Variants in BTBD9 observed in about 807,000 individuals in gnomAD.
The protein encoded by BTBD9 is BTB/POZ domain-containing protein 9.
A neutral mutation model predicts 64.3 loss-of-function variants in BTBD9; 49 were observed. That is an observed-to-expected ratio of 0.76 (90% CI 0.61 to 0.97). BTBD9 has a LOEUF of 0.97. BTBD9 is among the 50% of genes least tolerant of loss of function. BTBD9 has a pLI of 0.00. For synonymous variants in BTBD9, 260 were observed against 274.7 expected, an observed-to-expected ratio of 0.95 and a Z score of 0.53; for missense variants, 598 against 762.1, an observed-to-expected ratio of 0.78 and a Z score of 2.53.
At chr6:38,511,789 A>C (rs1772787782) in intron 6 of BTBD9, among the ~76,000 whole-genome samples, 1 of 152,164 alleles carries the variant, frequency 6.6e-6, no homozygotes, top group Non-Finnish European at 1.5e-5. Context: ...GAAAGGCAAA[A>C]GGTAAAGATT....
At chr6:38,520,675 G>A (rs1773234870) in intron 6 of BTBD9, among the ~76,000 whole-genome samples, 1 of 152,154 alleles carries the variant, frequency 6.6e-6, no homozygotes. Context: ...GCTCATGCCT[G>A]TAATCCCAGC....
At chr6:38,515,413 G>T (rs986841667) in intron 6 of BTBD9, among the ~76,000 whole-genome samples, 3 of 152,176 alleles carry the variant, frequency 2.0e-5, no homozygotes, top group African/African-American at 7.2e-5. Context: ...TTGCTTAAAA[G>T]ATATCACTAT....
chr6:38,249,857 C>T (rs929047700), intron 9 of BTBD9, among the ~76,000 whole-genome samples: 3 of 151,920 alleles, frequency 2.0e-5, no homozygotes, highest in Non-Finnish European at 4.4e-5. Flanking sequence ...AGAAGCTTCA[C>T]ATTCCAAATA....
chr6:38,610,968 G>C (rs958685588), intron 1 of BTBD9, among the ~76,000 whole-genome samples: 14 of 152,006 alleles, frequency 9.2e-5, no homozygotes, highest in Non-Finnish European at 1.5e-5. Context: ...ATATATTACA[G>C]TGCATCTATA....
intron 6 of BTBD9, among the ~76,000 whole-genome samples, chr6:38,557,088 C>T (rs1752312429): frequency 7.8e-6 from 1 of 128,284 alleles, no homozygotes; most frequent in African/African-American, 2.9e-5. Flanking sequence ...ATCCTCACAT[C>T]TGTAATCCCA....
chr6:38,290,943 T>G (rs1480722420), intron 7 of BTBD9, among the ~76,000 whole-genome samples: 1 of 152,234 alleles, frequency 6.6e-6, no homozygotes, highest in Non-Finnish European at 1.5e-5. Flanking sequence ...AGTATTTCAA[T>G]GTATGAATAT....
intron 1 of BTBD9, among the ~76,000 whole-genome samples, chr6:38,619,019 G>C (rs1182175513): frequency 2.0e-5 from 3 of 152,142 alleles, no homozygotes; most frequent in Non-Finnish European, 2.9e-5. Context: ...GAAGGACTAA[G>C]GAGAATTACG....
rs1298512091 is a variant in BTBD9 at position 38,356,231 on chromosome 6, G to A, written c.1155-11138C>T. ...TTCCAGTGGGCTGAGCACTCAGAAG[G>A]CTCTTGCAATTTTGAAACCCATGTT... On this transcript the variant is annotated intron_variant, in intron 6 of 10. Coordinates refer to ENST00000481247, the MANE Select transcript of BTBD9 (RefSeq NM_001099272.2). Among the ~76,000 whole-genome samples the A allele has an allele frequency of 3.3e-5, 5 of 152,144 alleles. No individual in the cohort carries two copies. The East Asian group carries it at 9.7e-4, about 29-fold the overall frequency.
At chr6:38,228,467 G>T (rs1276473843) in intron 9 of BTBD9, among the ~76,000 whole-genome samples, 11 of 151,918 alleles carry the variant, frequency 7.2e-5, no homozygotes, top group African/African-American at 2.2e-4. Context: ...TACCACTCTG[G>T]TGGAGGATGT....
chr6:38,588,216 CA>C, intron 4 of BTBD9: 1 of 932,074 alleles, frequency 1.1e-6, no homozygotes, highest in Non-Finnish European at 1.8e-6. Context: ...ATATGGCCAG[CA>C]ACCAACTACC....
At chr6:38,338,402 C>G (rs1488374828) in intron 7 of BTBD9, among the ~76,000 whole-genome samples, 1 of 151,994 alleles carries the variant, frequency 6.6e-6, no homozygotes. Context: ...TAAATGAAAC[C>G]ACGGAAAGCA....
intron 8 of BTBD9, among the ~76,000 whole-genome samples, chr6:38,271,541 T>C (rs1015126320): frequency 2.0e-5 from 3 of 152,160 alleles, no homozygotes; most frequent in African/African-American, 7.2e-5. Flanking sequence ...TGTGGATGCC[T>C]ATTTTTGTAA....
intron 6 of BTBD9, among the ~76,000 whole-genome samples, chr6:38,422,686 A>T (rs1767961688): frequency 1.3e-5 from 2 of 152,318 alleles, no homozygotes; most frequent in Non-Finnish European, 2.9e-5. Context: ...CACTGAGAAT[A>T]TCTCCATTTA....
At chr6:38,501,297 G>A (rs1339162083) in intron 6 of BTBD9, among the ~76,000 whole-genome samples, 1 of 152,112 alleles carries the variant, frequency 6.6e-6, no homozygotes, top group Non-Finnish European at 1.5e-5. Flanking sequence ...GCTCATTGGA[G>A]CATTTCAGAT....
At chr6:38,224,699 A>C (rs912696173) in intron 9 of BTBD9, among the ~76,000 whole-genome samples, 1 of 152,268 alleles carries the variant, frequency 6.6e-6, no homozygotes, top group East Asian at 1.9e-4. Flanking sequence ...AAAGATCAAT[A>C]TGTAGCTGGT....
chr6:38,597,928 G>C lies in BTBD9; in HGVS notation c.167C>G (p.Ala56Gly). The C allele has an allele frequency of 6.2e-7, 1 of 1,613,736 alleles. No individual in the cohort carries two copies. Among genetic ancestry groups the C allele is most frequent in the African/African-American group, 1.3e-5 (1 of 75,008 alleles). Residue 56 changes from alanine (A) to glycine (G), a missense_variant, in exon 2 of 11, where the codon GCC (alanine) becomes GGC (glycine). Ala to Gly is a moderately conservative substitution (Grantham distance 60). Coordinates refer to ENST00000481247, the MANE Select transcript of BTBD9 (RefSeq NM_001099272.2). ...RFPAHRVILA[A>G]RCQYFRALLY... Reference sequence around the variant, plus strand: ...CACTTACCGAAAATATTGGCACCTGGCTGCTAAAATTACCCTGTGGGCAGG... The same window carrying C: ...CACTTACCGAAAATATTGGCACCTGCCTGCTAAAATTACCCTGTGGGCAGG...
At chr6:38,502,624 G>A (rs1270461205) in intron 6 of BTBD9, among the ~76,000 whole-genome samples, 2 of 152,200 alleles carry the variant, frequency 1.3e-5, no homozygotes, top group African/African-American at 4.8e-5. Context: ...CTGCAGAGAT[G>A]AGCAGGATAT....
chr6:38,241,181 C>T (rs1443936686), intron 9 of BTBD9, among the ~76,000 whole-genome samples: 2 of 152,152 alleles, frequency 1.3e-5, no homozygotes, highest in Non-Finnish European at 2.9e-5. Context: ...AGTAACTCTC[C>T]AGAGAATCAG....
At chr6:38,412,329 C>G (rs1055929938) in intron 6 of BTBD9, among the ~76,000 whole-genome samples, 2 of 152,048 alleles carry the variant, frequency 1.3e-5, no homozygotes, top group African/African-American at 4.8e-5. Flanking sequence ...CGGCAAGCAT[C>G]CCCAAAACAC....
Sources: gnomAD v4.1 joint callset for allele counts (sites outside exome capture counted in the v4.1 genomes callset) on GRCh38, gnomAD v4.1.1 for gene constraint, MANE v1.5 for transcripts, NCBI Gene and HGNC (gene_info 2026-07-23, HGNC 2026-07-21) for gene names.